SHISA9: variants seen among roughly 807,000 people sequenced by gnomAD.
The protein encoded by SHISA9 is protein shisa-9.
SHISA9 carries 13 observed loss-of-function variants against 38.0 expected under a neutral mutation model. The observed-to-expected ratio is 0.34, with a 90% CI of 0.22 to 0.54. SHISA9 has a LOEUF of 0.54. Among genes scored for constraint, SHISA9 ranks in the 20% least tolerant of loss-of-function variants. SHISA9 has a pLI of 0.91. For missense variants in SHISA9, 538 were observed against 575.8 expected, an observed-to-expected ratio of 0.93 and a Z score of 0.67; for synonymous variants, 275 against 242.0, an observed-to-expected ratio of 1.14 and a Z score of -1.27.
At chr16:13,473,696 C>G in the SHISA9 span, among the ~76,000 whole-genome samples, 122 of 152,230 alleles carry the variant, frequency 8.0e-4, no homozygotes, top group African/African-American at 2.8e-3. Context: ...CACTTGTTTG[C>G]TAGGTAATAA....
chr16:12,946,473 A>T (rs1051393978), intron 2 of SHISA9, among the ~76,000 whole-genome samples: 71 of 152,338 alleles, frequency 4.7e-4, no homozygotes, highest in African/African-American at 1.7e-3. Context: ...AGATTCTCTT[A>T]GAAGGAGGAG....
chr16:13,515,432 T>C, the SHISA9 span, among the ~76,000 whole-genome samples: 1 of 152,192 alleles, frequency 6.6e-6, no homozygotes, highest in African/African-American at 2.4e-5. Context: ...ATTTAAAATG[T>C]AATTGACATT....
At chr16:13,244,091 C>T (rs1281224998), downstream of SHISA9, among the ~76,000 whole-genome samples, 1 of 152,084 alleles carries the variant, frequency 6.6e-6, no homozygotes, top group African/African-American at 2.4e-5. Flanking sequence ...CAGCCATGGG[C>T]TACTATGAAT....
intron 2 of SHISA9, among the ~76,000 whole-genome samples, chr16:13,001,375 G>T (rs2072523836): frequency 6.6e-6 from 1 of 151,470 alleles, no homozygotes; most frequent in Non-Finnish European, 1.5e-5. Flanking sequence ...ACTGACTAAG[G>T]ATCGGGGGGC....
At chr16:13,009,206 A>T (rs974899928) in intron 2 of SHISA9, among the ~76,000 whole-genome samples, 4 of 152,038 alleles carry the variant, frequency 2.6e-5, no homozygotes, top group Non-Finnish European at 5.9e-5. Context: ...TTCAGCACAG[A>T]TCTTCTTAGC....
chr16:13,199,498 A>G (rs2050983086), intron 2 of SHISA9, among the ~76,000 whole-genome samples: 1 of 152,034 alleles, frequency 6.6e-6, no homozygotes, highest in Non-Finnish European at 1.5e-5. Context: ...CTTAGTCAGA[A>G]CTCTACATTG....
intron 2 of SHISA9, among the ~76,000 whole-genome samples, chr16:13,201,855 C>T (rs1360655508): frequency 8.5e-6 from 1 of 117,316 alleles, no homozygotes; most frequent in East Asian, 2.1e-4. Flanking sequence ...GTATTGAAGG[C>T]AGCTGTGAGC....
chr16:13,264,392 C>T, the SHISA9 span, among the ~76,000 whole-genome samples: 8 of 151,942 alleles, frequency 5.3e-5, no homozygotes, highest in African/African-American at 1.9e-4. Context: ...AGTCTGGTCT[C>T]GAACTCCTGA....
At chr16:13,413,462 A>G in the SHISA9 span, among the ~76,000 whole-genome samples, 1 of 152,074 alleles carries the variant, frequency 6.6e-6, no homozygotes, top group African/African-American at 2.4e-5. Flanking sequence ...TTCTAGGTAA[A>G]TTTGCAGTGT....
At chr16:13,036,498 C>A (rs769991406) in intron 2 of SHISA9, among the ~76,000 whole-genome samples, 7 of 151,948 alleles carry the variant, frequency 4.6e-5, no homozygotes, top group Non-Finnish European at 8.8e-5. Flanking sequence ...TGGGTGAGAT[C>A]TAATGAGACT....
At chr16:13,324,843 A>G in the SHISA9 span, among the ~76,000 whole-genome samples, 1 of 152,194 alleles carries the variant, frequency 6.6e-6, no homozygotes, top group Non-Finnish European at 1.5e-5. Flanking sequence ...ACATAAATCA[A>G]TATGTGGAAA....
chr16:13,136,939 G>A (rs960032991), intron 2 of SHISA9, among the ~76,000 whole-genome samples: 4 of 152,186 alleles, frequency 2.6e-5, no homozygotes, highest in Non-Finnish European at 5.9e-5. Context: ...GAGTTAGATT[G>A]AGAAGGTTTC....
the SHISA9 span, among the ~76,000 whole-genome samples, chr16:13,420,191 A>T: frequency 1.6e-5 from 2 of 126,710 alleles, no homozygotes; most frequent in Non-Finnish European, 1.6e-5. Flanking sequence ...GGTTGCCCTG[A>T]GCGGAGATCG....
At chr16:13,367,718 A>G in the SHISA9 span, among the ~76,000 whole-genome samples, 520 of 128,226 alleles carry the variant, frequency 4.1e-3, 1 homozygote, top group South Asian at 5.2e-3. Context: ...GCGCGCACAC[A>G]CACACACACA....
chr16:13,088,605 G>A (rs1323565854), intron 2 of SHISA9, among the ~76,000 whole-genome samples: 1 of 151,446 alleles, frequency 6.6e-6, no homozygotes, highest in African/African-American at 2.4e-5. Context: ...TCATGATTTG[G>A]TTGTCTGTCT....
the SHISA9 span, among the ~76,000 whole-genome samples, chr16:13,511,521 G>C: frequency 2.0e-5 from 3 of 152,058 alleles, no homozygotes; most frequent in African/African-American, 7.2e-5. Flanking sequence ...CTTAAAAATG[G>C]GGTACAATAA....
intron 2 of SHISA9, among the ~76,000 whole-genome samples, chr16:13,142,357 A>G (rs370321673): frequency 2.0e-5 from 3 of 152,302 alleles, no homozygotes; most frequent in African/African-American, 7.2e-5. Flanking sequence ...CCCGAACTAT[A>G]TTGCCTGAGG....
At chr16:12,911,570 C>T (rs187206128) in intron 1 of SHISA9, 47 of 170,696 alleles carry the variant, frequency 2.8e-4, no homozygotes, top group Non-Finnish European at 4.8e-4. Context: ...TTCATACTAT[C>T]ATTAGTTACT....
At chr16:13,141,619 G>T (rs1241125166) in intron 2 of SHISA9, among the ~76,000 whole-genome samples, 1 of 152,028 alleles carries the variant, frequency 6.6e-6, no homozygotes, top group African/African-American at 2.4e-5. Flanking sequence ...AGAGGTGGAG[G>T]TTGCAGTGAA....
Sources: allele counts gnomAD v4.1 joint callset (sites outside exome capture counted in the v4.1 genomes callset), GRCh38; gene constraint gnomAD v4.1.1; transcripts MANE v1.5; gene names NCBI Gene and HGNC (gene_info 2026-07-23, HGNC 2026-07-21).